Variants in DNAAF4 observed in about 807,000 individuals in gnomAD.
The protein encoded by DNAAF4 is dynein assembly factor 4, axonemal.
A neutral mutation model predicts 51.8 loss-of-function variants in DNAAF4; 43 were observed. The observed-to-expected ratio is 0.83, with a 90% CI of 0.65 to 1.07. DNAAF4 has a LOEUF of 1.07. Among genes scored for constraint, DNAAF4 ranks in the 50% least tolerant of loss-of-function variants. DNAAF4 has a pLI of 0.00. For missense variants in DNAAF4, 581 were observed against 493.0 expected, an observed-to-expected ratio of 1.18 and a Z score of -1.69; for synonymous variants, 194 against 165.6, an observed-to-expected ratio of 1.17 and a Z score of -1.32.
intron 4 of DNAAF4, among the ~76,000 whole-genome samples, chr15:55,477,082 G>A: frequency 6.6e-6 from 1 of 152,054 alleles, no homozygotes; most frequent in Non-Finnish European, 1.5e-5. Context: ...TGAGGCAGGA[G>A]AATCACTTGA....
At chr15:55,479,484 T>C (rs1029718506) in intron 4 of DNAAF4, among the ~76,000 whole-genome samples, 1 of 151,424 alleles carries the variant, frequency 6.6e-6, no homozygotes, top group Non-Finnish European at 1.5e-5. Flanking sequence ...TTGTAAAACA[T>C]GTGTGTTTCA....
In DNAAF4 at chr15:55,438,309, C is replaced by T. The variant is rs1023801673; in HGVS notation, c.893+1163G>A. 3.3e-5 allele frequency among the ~76,000 whole-genome samples: 5 copies of T among 150,150 alleles called. No homozygotes were observed. The Admixed American group carries it at 3.4e-4, about 10-fold the overall frequency. On this transcript the variant is annotated intron_variant, in intron 7 of 9. Coordinates refer to ENST00000321149, the MANE Select transcript of DNAAF4 (RefSeq NM_130810.4). ...GAGTTTGCATTGAGCCAAGATTGTGCCATCACACGCCAGCCTGGGGACCAA... is the reference window on the plus strand; with the variant it reads ...GAGTTTGCATTGAGCCAAGATTGTGTCATCACACGCCAGCCTGGGGACCAA...
chr15:55,487,240 A>G (rs1567030718), intron 4 of DNAAF4, among the ~76,000 whole-genome samples: 1 of 152,158 alleles, frequency 6.6e-6, no homozygotes, highest in South Asian at 2.1e-4. Flanking sequence ...TTGTAAACAT[A>G]CCAATCAGCA....
At chr15:55,492,233 C>A (rs1370106294) in intron 3 of DNAAF4, among the ~76,000 whole-genome samples, 34 of 147,986 alleles carry the variant, frequency 2.3e-4, no homozygotes, top group African/African-American at 8.5e-4. Flanking sequence ...AATTATCTTA[C>A]AAAGGGAAGG....
At chr15:55,507,532 C>T (rs533806443) in intron 1 of DNAAF4, among the ~76,000 whole-genome samples, 1 of 152,248 alleles carries the variant, frequency 6.6e-6, no homozygotes, top group East Asian at 1.9e-4. Context: ...TTTTGCATCA[C>T]TGTAAAGTTA....
At chr15:55,489,335 G>A (rs1011287025) in intron 4 of DNAAF4, among the ~76,000 whole-genome samples, 1 of 152,090 alleles carries the variant, frequency 6.6e-6, no homozygotes, top group Admixed American at 6.6e-5. Context: ...GTATGCTAAA[G>A]GCAGGAATCT....
intron 4 of DNAAF4, among the ~76,000 whole-genome samples, chr15:55,489,536 G>C (rs938410230): frequency 2.0e-5 from 3 of 151,878 alleles, no homozygotes; most frequent in Non-Finnish European, 4.4e-5. Context: ...TTAGCCAGGC[G>C]TGGTGGTGCA....
At chr15:55,482,067 C>A (rs1638938163) in intron 4 of DNAAF4, among the ~76,000 whole-genome samples, 1 of 152,226 alleles carries the variant, frequency 6.6e-6, no homozygotes, top group Admixed American at 6.5e-5. Flanking sequence ...CGCTTACACT[C>A]TGTGGAGTGT....
Position 55,430,579 on chromosome 15 carries a change from C to T in DNAAF4, c.*91G>A, listed in dbSNP as rs894578262. On this transcript the variant is annotated 3_prime_UTR_variant, in exon 10 of 10. Transcript: ENST00000321149. ...CAGAACTAAAGTACTAAACAGAAAGCGATTCTGTACAACTGGCCATAATAT... is the reference window on the plus strand; with the variant it reads ...CAGAACTAAAGTACTAAACAGAAAGTGATTCTGTACAACTGGCCATAATAT... 9 of 1,446,560 alleles carry T rather than the reference C, an allele frequency of 6.2e-6. No homozygotes were observed. The highest frequency in any genetic ancestry group is 2.5e-5 in the East Asian group (1 of 39,224). The allele number at this position is 1,446,560 out of a possible 1,614,324, so 89.6% of individuals were successfully genotyped here.
At chr15:55,482,466 C>T (rs142148235) in intron 4 of DNAAF4, among the ~76,000 whole-genome samples, 28 of 152,188 alleles carry the variant, frequency 1.8e-4, no homozygotes, top group African/African-American at 6.7e-4. Context: ...CACCTGAGGT[C>T]AAGAGTTAGA....
rs2058669936 is a variant in DNAAF4, at chr15:55,498,473, A to T, written c.-144T>A. 8.0e-7 allele frequency: 1 copy of T among 1,251,738 alleles called. No homozygotes were observed. Among genetic ancestry groups the T allele is most frequent in the South Asian group, 1.6e-5 (1 of 63,588 alleles). The allele number at this position is 1,251,738 out of a possible 1,614,324, so 77.5% of individuals were successfully genotyped here. On this transcript the variant is annotated 5_prime_UTR_variant, in exon 2 of 10. Transcript: ENST00000321149. ...GTTCCCAGCGTGCTCCGGCGCCAGC[A>T]CCTCGCGGACTCCATGCGTGACTAT...
At chr15:55,486,920 A>G (rs1178568358) in intron 4 of DNAAF4, among the ~76,000 whole-genome samples, 1 of 152,124 alleles carries the variant, frequency 6.6e-6, no homozygotes, top group African/African-American at 2.4e-5. Context: ...CAACATACGT[A>G]TGCTCAAAAT....
At chr15:55,451,703 C>T (rs1281941973) in intron 5 of DNAAF4, among the ~76,000 whole-genome samples, 1 of 151,908 alleles carries the variant, frequency 6.6e-6, no homozygotes, top group Non-Finnish European at 1.5e-5. Flanking sequence ...AGCTTTGAAC[C>T]CCTTGGCTCA....
chr15:55,460,870 T>C (rs2058085630), intron 5 of DNAAF4, among the ~76,000 whole-genome samples: 1 of 151,596 alleles, frequency 6.6e-6, no homozygotes, highest in Non-Finnish European at 1.5e-5. Context: ...GCTCAAGTGA[T>C]TCTTCTGCCT....
intron 6 of DNAAF4, among the ~76,000 whole-genome samples, chr15:55,440,343 G>A (rs902630655): frequency 4.8e-5 from 7 of 146,954 alleles, no homozygotes; most frequent in African/African-American, 1.3e-4. Flanking sequence ...GAGCCACCAC[G>A]CCTGGCCAAT....
intron 1 of DNAAF4, among the ~76,000 whole-genome samples, chr15:55,502,307 T>G (rs984745665): frequency 6.6e-6 from 1 of 152,166 alleles, no homozygotes. Flanking sequence ...GTTCAGGACA[T>G]GCTACCCCAA....
intron 2 of DNAAF4, 120 bp from the exon 3 acceptor site, chr15:55,497,979 G>C: frequency 1.4e-6 from 2 of 1,389,528 alleles, no homozygotes; most frequent in Non-Finnish European, 1.9e-6. Context: ...ATGCCAGGTA[G>C]TGAAAGATTA....
At chr15:55,430,839 C>T (rs1383365177) in intron 9 of DNAAF4, 60 bp from the exon 10 acceptor site, 4 of 1,327,038 alleles carry the variant, frequency 3.0e-6, no homozygotes, top group Non-Finnish European at 4.3e-6. Context: ...CTTCTTTTAT[C>T]TAGACAATAG....
At chr15:55,446,296 C>CCGGG (rs1555415276) in intron 6 of DNAAF4, among the ~76,000 whole-genome samples, 2 of 19,254 alleles carry the variant, frequency 1.0e-4, no homozygotes, top group Non-Finnish European at 1.5e-4. Flanking sequence ...ACATCCCAGA[C>CCGGG]GGGGGGGGGG....
Sources: allele counts gnomAD v4.1 joint callset (sites outside exome capture counted in the v4.1 genomes callset), GRCh38; gene constraint gnomAD v4.1.1; transcripts MANE v1.5; gene names NCBI Gene and HGNC (gene_info 2026-07-23, HGNC 2026-07-21).